EYA2: variants seen among roughly 807,000 people sequenced by gnomAD.
The protein encoded by EYA2 is EYA transcriptional coactivator and phosphatase 2.
In EYA2, 31 loss-of-function variants were observed where a neutral mutation model predicts 69.2. The observed-to-expected ratio is 0.45, with a 90% CI of 0.34 to 0.60. The LOEUF is 0.60. Among genes scored for constraint, EYA2 ranks in the 20% least tolerant of loss-of-function variants. EYA2 has a pLI of 0.02. For missense variants in EYA2, 622 were observed against 701.2 expected (o/e 0.89, Z 1.28); for synonymous variants, 257 against 279.4 (o/e 0.92, Z 0.80).
chr20:47,140,141 C>T (rs1036906670), intron 9 of EYA2, among the ~76,000 whole-genome samples: 2 of 152,146 alleles, frequency 1.3e-5, no homozygotes, highest in African/African-American at 2.4e-5. Flanking sequence ...ACGAATTGCT[C>T]CGTCAAAGAG....
intron 1 of EYA2, among the ~76,000 whole-genome samples, chr20:46,912,703 T>TTC (rs1568663851): frequency 6.9e-6 from 1 of 145,384 alleles, no homozygotes; most frequent in Non-Finnish European, 1.5e-5. Flanking sequence ...TTTTTTTTTC[T>TTC]TTTTTTTTGA....
chr20:46,917,113 C>T (rs1339541832), intron 1 of EYA2, among the ~76,000 whole-genome samples: 8 of 152,110 alleles, frequency 5.3e-5, no homozygotes, highest in East Asian at 1.9e-4. Context: ...AGCCTCCCCC[C>T]GAGTCAAAAT....
At chr20:47,052,640 T>C (rs2030398326) in intron 5 of EYA2, among the ~76,000 whole-genome samples, 1 of 152,192 alleles carries the variant, frequency 6.6e-6, no homozygotes, top group African/African-American at 2.4e-5. Flanking sequence ...TTTCTTTTTT[T>C]GAGACAGGGT....
At chr20:47,157,503 T>C (rs760869442) in intron 10 of EYA2, among the ~76,000 whole-genome samples, 5 of 151,528 alleles carry the variant, frequency 3.3e-5, no homozygotes, top group Admixed American at 6.6e-5. Context: ...ACCGTTAAAA[T>C]AGATAAGGCT....
intron 1 of EYA2, among the ~76,000 whole-genome samples, chr20:46,956,373 A>G (rs1051930700): frequency 1.3e-5 from 2 of 152,194 alleles, no homozygotes; most frequent in African/African-American, 4.8e-5. Context: ...AATAAACCCT[A>G]TATTCTCAGG....
intron 7 of EYA2, among the ~76,000 whole-genome samples, chr20:47,074,706 T>C (rs1375309765): frequency 1.3e-5 from 2 of 152,218 alleles, no homozygotes; most frequent in Non-Finnish European, 2.9e-5. Context: ...AAACTAAGTG[T>C]GTCTGCTCTT....
Position 46,977,111 on chromosome 20 carries a change from G to A in EYA2, c.-10-12890G>A, listed in dbSNP as rs775590305. Among the ~76,000 whole-genome samples the A allele has an allele frequency of 3.3e-5, 5 of 152,264 alleles. No individual in the cohort carries two copies. The East Asian group carries it at 5.8e-4, about 18-fold the overall frequency. On this transcript the variant is annotated intron_variant, in intron 1 of 15. Transcript: ENST00000327619. ...GAACAAGATGTACAAGATCAATAGC[G>A]ATAACAACACATTCACAAAACACAT... is the stretch of plus-strand genomic sequence containing the variant.
chr20:46,944,409 A>G (rs1427817573), intron 1 of EYA2, among the ~76,000 whole-genome samples: 1 of 152,146 alleles, frequency 6.6e-6, no homozygotes, highest in Non-Finnish European at 1.5e-5. Context: ...GGCAGTGGGA[A>G]TAAAGGGGTC....
intron 1 of EYA2, among the ~76,000 whole-genome samples, chr20:46,906,993 C>G (rs1345930002): frequency 1.3e-5 from 2 of 152,166 alleles, no homozygotes; most frequent in African/African-American, 4.8e-5. Flanking sequence ...GCCAGTCTCT[C>G]CACGTTCAAA....
intron 1 of EYA2, among the ~76,000 whole-genome samples, chr20:46,944,639 C>T (rs1978348869): frequency 6.6e-6 from 1 of 152,160 alleles, no homozygotes; most frequent in Non-Finnish European, 1.5e-5. Flanking sequence ...ACAAAGCCCC[C>T]AGTAGGACCT....
At chr20:47,008,320 G>A (rs1247199116) in intron 4 of EYA2, among the ~76,000 whole-genome samples, 1 of 152,184 alleles carries the variant, frequency 6.6e-6, no homozygotes, top group Non-Finnish European at 1.5e-5. Flanking sequence ...CAGCTGGTTG[G>A]TGGCAGAGGT....
At chr20:47,081,517 G>T (rs941199414) in intron 7 of EYA2, among the ~76,000 whole-genome samples, 8 of 152,054 alleles carry the variant, frequency 5.3e-5, no homozygotes, top group African/African-American at 1.9e-4. Context: ...GGTGGCTCAT[G>T]CCTGTAATCC....
At chr20:46,968,235 A>G in intron 1 of EYA2, among the ~76,000 whole-genome samples, 1 of 152,206 alleles carries the variant, frequency 6.6e-6, no homozygotes, top group East Asian at 1.9e-4. Context: ...TTGTTAACCC[A>G]CCTGAACCGC....
intron 1 of EYA2, among the ~76,000 whole-genome samples, chr20:46,924,237 A>T (rs185701404): frequency 1.8e-4 from 28 of 152,342 alleles, no homozygotes; most frequent in African/African-American, 6.7e-4. Flanking sequence ...TATGGGTGGC[A>T]CATGGAGATG....
chr20:47,086,732 T>G (rs1016397501), intron 7 of EYA2, among the ~76,000 whole-genome samples: 4 of 151,942 alleles, frequency 2.6e-5, no homozygotes, highest in Non-Finnish European at 5.9e-5. Flanking sequence ...GGGACACAGA[T>G]CCAAACCATA....
chr20:47,100,169 C>T (rs542820846), intron 9 of EYA2, among the ~76,000 whole-genome samples: 7 of 152,292 alleles, frequency 4.6e-5, no homozygotes, highest in Middle Eastern at 3.4e-3. Flanking sequence ...AACTGGTGGC[C>T]GCTGGCCAAA....
At chr20:47,002,529 CATG>C (rs1982443407) in intron 3 of EYA2, among the ~76,000 whole-genome samples, 1 of 152,212 alleles carries the variant, frequency 6.6e-6, no homozygotes, top group Non-Finnish European at 1.5e-5. Context: ...CTGCAAAGGA[CATG>C]ATCTTGTTCC....
chr20:46,946,407 G>A (rs1978460631), intron 1 of EYA2, among the ~76,000 whole-genome samples: 1 of 152,184 alleles, frequency 6.6e-6, no homozygotes. Context: ...AGGGCCAAGG[G>A]TTACTTTGAT....
intron 1 of EYA2, among the ~76,000 whole-genome samples, chr20:46,949,401 T>C (rs1978665020): frequency 6.6e-6 from 1 of 152,148 alleles, no homozygotes; most frequent in Admixed American, 6.5e-5. Context: ...AGTCTCACAG[T>C]CAAGACTTTC....
Sources: gnomAD v4.1 joint callset for allele counts (sites outside exome capture counted in the v4.1 genomes callset) on GRCh38, gnomAD v4.1.1 for gene constraint, MANE v1.5 for transcripts, NCBI Gene and HGNC (gene_info 2026-07-23, HGNC 2026-07-21) for gene names.